The following SHROOM3 variants were observed in gnomAD, a reference collection of about 807,000 sequenced individuals.
SHROOM3 encodes shroom family member 3, also known as protein Shroom3.
A neutral mutation model predicts 138.6 loss-of-function variants in SHROOM3; 47 were observed. The observed-to-expected ratio is 0.34, with a 90% CI of 0.27 to 0.43. The LOEUF (loss-of-function observed/expected upper bound fraction) is 0.43, where lower values mean the gene tolerates loss of function less well. SHROOM3 is among the 20% of genes least tolerant of loss of function. The pLI is 1.00. For synonymous variants in SHROOM3, 1,062 were observed against 1,063.3 expected (o/e 1.00, Z 0.02); for missense variants, 2,491 against 2,596.5 (o/e 0.96, Z 0.88).
At chr4:76,478,550 G>A (rs1731536832) in intron 1 of SHROOM3, among the ~76,000 whole-genome samples, 1 of 152,244 alleles carries the variant, frequency 6.6e-6, no homozygotes, top group Non-Finnish European at 1.5e-5. Context: ...TATGGGTGCA[G>A]CTTCAGCAAG....
At chr4:76,581,877 A>G (rs1471760033) in intron 2 of SHROOM3, among the ~76,000 whole-genome samples, 1 of 152,180 alleles carries the variant, frequency 6.6e-6, no homozygotes, top group Admixed American at 6.5e-5. Context: ...CATCATCATC[A>G]TCTTGGACCT....
intron 1 of SHROOM3, among the ~76,000 whole-genome samples, chr4:76,458,774 T>C (rs1303600596): frequency 2.6e-5 from 4 of 152,232 alleles, no homozygotes. Flanking sequence ...GATGGAAGCA[T>C]TTTTACCAGG....
intron 1 of SHROOM3, among the ~76,000 whole-genome samples, chr4:76,554,419 G>GTT (rs33953968): frequency 1.8e-4 from 22 of 121,748 alleles, no homozygotes; most frequent in Admixed American, 3.4e-4. Flanking sequence ...TTTTGTTTGT[G>GTT]TTTTTTTTTT....
intron 3 of SHROOM3, among the ~76,000 whole-genome samples, chr4:76,715,751 T>A (rs1720354688): frequency 6.6e-6 from 1 of 152,204 alleles, no homozygotes; most frequent in African/African-American, 2.4e-5. Flanking sequence ...AACAGCAAGG[T>A]TAGTTCTGCG....
At chr4:76,492,834 C>T (rs1299418930) in intron 1 of SHROOM3, among the ~76,000 whole-genome samples, 1 of 152,132 alleles carries the variant, frequency 6.6e-6, no homozygotes, top group Non-Finnish European at 1.5e-5. Flanking sequence ...AACACTCCTG[C>T]AGACAGAGAG....
chr4:76,636,216 C>T (rs1285860059), intron 2 of SHROOM3, among the ~76,000 whole-genome samples: 1 of 152,194 alleles, frequency 6.6e-6, no homozygotes, highest in African/African-American at 2.4e-5. Context: ...TTCTTCATTA[C>T]TTTGTTTTAA....
At chr4:76,693,835 T>C (rs1577977971) in intron 2 of SHROOM3, among the ~76,000 whole-genome samples, 1 of 122,826 alleles carries the variant, frequency 8.1e-6, no homozygotes. Context: ...TTTTTTTTTT[T>C]TTTTCCTGAG....
At position 76,437,102 on chromosome 4, in the gene SHROOM3, T is replaced by C. The variant is rs183860009; in HGVS notation, c.168+882T>C. On this transcript the variant is annotated intron_variant, in intron 1 of 10. Transcript: ENST00000296043. ...TTATTGGTTCAGGTTACTTTTCATA[T>C]CCCCAGAAATAATTCCAAAAGGTTA... Among the ~76,000 whole-genome samples, 9 of 152,270 alleles carry C rather than the reference T, an allele frequency of 5.9e-5. No homozygotes were observed. In the East Asian group the frequency reaches 1.5e-3, roughly 26 times the overall value.
chr4:76,610,161 AAAACT>A (rs1162968612), intron 2 of SHROOM3, among the ~76,000 whole-genome samples: 1 of 152,236 alleles, frequency 6.6e-6, no homozygotes, highest in African/African-American at 2.4e-5. Context: ...TCCTTATTGT[AAAACT>A]AAAAGAGAAG....
intron 1 of SHROOM3, among the ~76,000 whole-genome samples, chr4:76,464,060 T>A (rs2109977536): frequency 6.6e-6 from 1 of 152,304 alleles, no homozygotes; most frequent in Non-Finnish European, 1.5e-5. Context: ...GTCACTGTCC[T>A]CCATACCTCA....
rs116052595 is a variant in SHROOM3, at chr4:76,464,875, T to C, written c.168+28655T>C. 5.3e-3 allele frequency among the ~76,000 whole-genome samples: 803 copies of C among 152,300 alleles called. 8 individuals carry two copies. The highest frequency in any genetic ancestry group is 0.019 in the African/African-American group (771 of 41,560). ...CCTAAGGCCTTCCAGCTGTGCTTCC[T>C]GTAGAGCCTGCAGGACTGTAAGTCA... On this transcript the variant is annotated intron_variant, in intron 1 of 10. Coordinates refer to ENST00000296043, the MANE Select transcript of SHROOM3 (RefSeq NM_020859.4).
chr4:76,539,738 C>T (rs150341262), intron 1 of SHROOM3, among the ~76,000 whole-genome samples: 12 of 152,284 alleles, frequency 7.9e-5, no homozygotes, highest in African/African-American at 2.9e-4. Context: ...GATTTGAACC[C>T]AGGCAGTCTG....
chr4:76,599,946 T>C (rs554722869), intron 2 of SHROOM3, among the ~76,000 whole-genome samples: 3 of 152,328 alleles, frequency 2.0e-5, no homozygotes, highest in East Asian at 3.9e-4. Flanking sequence ...GGAGGATTGC[T>C]TGAGCCCAGG....
At chr4:76,767,065 A>T (rs1722180630) in intron 9 of SHROOM3, among the ~76,000 whole-genome samples, 1 of 152,154 alleles carries the variant, frequency 6.6e-6, no homozygotes. Flanking sequence ...CCCAGCACTG[A>T]TGTCTCTGAA....
chr4:76,756,470 G>A lies in SHROOM3; in HGVS notation c.4731G>A (p.Val1577=). The A allele has an allele frequency of 6.2e-7, 1 of 1,608,094 alleles. No individual in the cohort carries two copies. Among genetic ancestry groups the A allele is most frequent in the South Asian group, 1.1e-5 (1 of 90,662 alleles). Residue 1577 remains valine (V), a synonymous_variant, in exon 8 of 11, where the codon GTG becomes GTA. Coordinates refer to ENST00000296043, the MANE Select transcript of SHROOM3 (RefSeq NM_020859.4). ...PRPSFNKLSK[V]TIARERHMPG... is the part of the protein sequence containing the mutation. ...GCAGCTTCAACAAACTTTCTAAAGT[G>A]ACAATTGCAAGGGAAAGGCACATGC...
chr4:76,490,667 C>T lies in SHROOM3; in HGVS notation c.168+54447C>T, dbSNP rs894949089. 3.9e-5 allele frequency among the ~76,000 whole-genome samples: 6 copies of T among 152,230 alleles called. No homozygotes were observed. In the East Asian group the frequency reaches 1.2e-3, roughly 29 times the overall value. On this transcript the variant is annotated intron_variant, in intron 1 of 10. Transcript: ENST00000296043. ...GTTCCCTGCCTCCAGACCCTATTCT[C>T]CTGCCTCAGTTGAATTGTATTTCAG...
intron 2 of SHROOM3, among the ~76,000 whole-genome samples, chr4:76,669,356 C>T (rs985579639): frequency 4.6e-5 from 7 of 152,124 alleles, no homozygotes; most frequent in Admixed American, 3.3e-4. Context: ...CTCAGTGGCT[C>T]ACACCTGTAA....
chr4:76,690,758 G>A (rs1487224056), intron 2 of SHROOM3, among the ~76,000 whole-genome samples: 2 of 151,886 alleles, frequency 1.3e-5, no homozygotes, highest in African/African-American at 4.8e-5. Flanking sequence ...TACAGAGAAA[G>A]AAATAAACTC....
intron 2 of SHROOM3, among the ~76,000 whole-genome samples, chr4:76,687,861 T>A (rs1331606261): frequency 6.6e-6 from 1 of 152,158 alleles, no homozygotes; most frequent in East Asian, 1.9e-4. Context: ...TCCACCCTTA[T>A]GAGATTTCAC....
Sources: gnomAD v4.1 joint callset for allele counts (sites outside exome capture counted in the v4.1 genomes callset) on GRCh38, gnomAD v4.1.1 for gene constraint, MANE v1.5 for transcripts, NCBI Gene and HGNC (gene_info 2026-07-23, HGNC 2026-07-21) for gene names.